Variants in TRPC1 observed in about 807,000 individuals in gnomAD.
TRPC1 encodes the protein transient receptor potential cation channel subfamily C member 1.
TRPC1 carries 42 observed loss-of-function variants against 88.2 expected under a neutral mutation model. The ratio of observed to expected loss-of-function variants is 0.48; its 90% confidence interval spans 0.37 to 0.62. The LOEUF (loss-of-function observed/expected upper bound fraction) is 0.62. Ranked by LOEUF, TRPC1 falls within the 20% of genes least tolerant of loss-of-function variation. The probability of loss-of-function intolerance (pLI) is 0.00; values close to 1 mark genes in which losing one functional copy is unlikely to be tolerated. For synonymous variants in TRPC1, 288 were observed against 331.8 expected, an observed-to-expected ratio of 0.87 and a Z score of 1.43; for missense variants, 699 against 957.3, an observed-to-expected ratio of 0.73 and a Z score of 3.56.
intron 2 of TRPC1, among the ~76,000 whole-genome samples, chr3:142,742,356 G>A (rs938504269): frequency 6.6e-6 from 1 of 152,084 alleles, no homozygotes; most frequent in African/African-American, 2.4e-5. Context: ...AAGAGATAGT[G>A]CAATGGGTTA....
At chr3:142,739,106 G>A (rs1226210184) in intron 2 of TRPC1, among the ~76,000 whole-genome samples, 4 of 151,962 alleles carry the variant, frequency 2.6e-5, no homozygotes, top group African/African-American at 7.3e-5. Flanking sequence ...CAAGTAGCTG[G>A]GATTATTATA....
Position 142,777,652 on chromosome 3 carries a change from G to A in TRPC1, c.653G>A (p.Arg218Gln), listed in dbSNP as rs977445864. The change falls in exon 5 of 13, where the codon CGA (arginine) becomes CAA (glutamine). Residue 218 changes from arginine to glutamine, a missense_variant. By Grantham distance (43) the Arg-to-Gln change is conservative. This residue lies in a region of TRPC1 where 426 missense variants were observed against 641.3 expected (regional missense o/e 0.66). Transcript: ENST00000476941. ...RHSRFRLDIY[R>Q]CLASPALIML... ...CACAGGTTTCGTCTTGATATATATC[G>A]ATGTTTGGCCAGTCCAGCTCTAATA... The A allele has an allele frequency of 6.2e-7, 1 of 1,602,460 alleles. No homozygotes were observed. The highest frequency in any genetic ancestry group is 8.5e-7 in the Non-Finnish European group (1 of 1,173,302).
intron 3 of TRPC1, among the ~76,000 whole-genome samples, chr3:142,748,030 A>G (rs776243306): frequency 2.6e-5 from 4 of 152,134 alleles, no homozygotes; most frequent in Admixed American, 1.3e-4. Flanking sequence ...AGTTAAATGA[A>G]TGTTACCTAT....
intron 4 of TRPC1, among the ~76,000 whole-genome samples, chr3:142,751,742 C>T (rs1320723185): frequency 6.6e-6 from 1 of 152,128 alleles, no homozygotes; most frequent in East Asian, 1.9e-4. Context: ...AAACCATCCA[C>T]CCTCACTCTT....
At chr3:142,797,302 T>G (rs1181676461) in intron 9 of TRPC1, among the ~76,000 whole-genome samples, 10 of 151,904 alleles carry the variant, frequency 6.6e-5, no homozygotes, top group Non-Finnish European at 2.9e-5. Flanking sequence ...TTCCCAGAGG[T>G]TGAAATGTTT....
At chr3:142,757,474 A>G (rs1201491853) in intron 4 of TRPC1, among the ~76,000 whole-genome samples, 1 of 152,168 alleles carries the variant, frequency 6.6e-6, no homozygotes, top group Non-Finnish European at 1.5e-5. Flanking sequence ...CTAGGCATGT[A>G]GACATGAATT....
intron 8 of TRPC1, 73 bp downstream of exon 8, chr3:142,791,231 T>C: frequency 7.3e-7 from 1 of 1,363,426 alleles, no homozygotes; most frequent in South Asian, 1.5e-5. Context: ...TTTAGCTATG[T>C]AACTCAGAGT....
chr3:142,802,089 C>T, intron 9 of TRPC1, 80 bp from the exon 10 acceptor site: 1 of 1,003,428 alleles, frequency 1.0e-6, no homozygotes. Flanking sequence ...TGTCTTCTTC[C>T]TTTTGTTGCT....
intron 1 of TRPC1, among the ~76,000 whole-genome samples, chr3:142,735,425 A>G (rs1008336139): frequency 6.6e-6 from 1 of 152,152 alleles, no homozygotes; most frequent in African/African-American, 2.4e-5. Context: ...TTTGCACATC[A>G]CGTAAAATGA....
intron 4 of TRPC1, among the ~76,000 whole-genome samples, chr3:142,772,495 C>A (rs1935611256): frequency 6.6e-6 from 1 of 152,116 alleles, no homozygotes; most frequent in Non-Finnish European, 1.5e-5. Flanking sequence ...CACAAAGTAG[C>A]TTAAAAAACA....
intron 4 of TRPC1, among the ~76,000 whole-genome samples, chr3:142,761,125 G>A (rs1176944632): frequency 6.6e-6 from 1 of 151,980 alleles, no homozygotes; most frequent in Non-Finnish European, 1.5e-5. Flanking sequence ...CCAATATTAT[G>A]TTGAATAATA....
rs2108174450 is a variant in TRPC1 at position 142,807,690 on chromosome 3, T to C, written c.*1455T>C. The C allele has an allele frequency of 6.6e-6, 1 of 152,354 alleles. No homozygotes were observed. Among genetic ancestry groups the C allele is most frequent in the East Asian group, 1.9e-4 (1 of 5,186 alleles). The allele number at this position is 152,354 out of a possible 1,614,324, so 9.4% of individuals were successfully genotyped here. On this transcript the variant is annotated 3_prime_UTR_variant, in exon 13 of 13. Transcript: ENST00000476941. The stretch of plus-strand genomic sequence containing the variant: ...AATGTTTATTGTAAAGTTATATATT[T>C]TGTCTACGATGGGATTATGCACTTC...
chr3:142,752,059 G>A (rs1161062002), intron 4 of TRPC1, among the ~76,000 whole-genome samples: 6 of 152,152 alleles, frequency 3.9e-5, no homozygotes, highest in Non-Finnish European at 8.8e-5. Flanking sequence ...GGGGTGGCCT[G>A]CCCCTCCACA....
At position 142,724,518 on chromosome 3, in the gene TRPC1, G is replaced by C; in HGVS notation, c.-42G>C. On this transcript the variant is annotated 5_prime_UTR_variant, in exon 1 of 13. Transcript: ENST00000476941. The surrounding 1 kb of genome is among the most constrained non-coding windows in gnomAD (Gnocchi z 5.6). ...GGGGTCGGGGTCGGGGCCGGTGGGG[G>C]CCCCGCCCCCGTCTCCTGGCCTGCC... is the stretch of plus-strand genomic sequence containing the variant. 6.8e-7 allele frequency: 1 copy of C among 1,477,310 alleles called. No individual in the cohort carries two copies. Among genetic ancestry groups the C allele is most frequent in the Non-Finnish European group, 8.9e-7 (1 of 1,120,888 alleles). The allele number at this position is 1,477,310 out of a possible 1,614,324, so 91.5% of individuals were successfully genotyped here.
At chr3:142,756,586 C>G (rs1160307019) in intron 4 of TRPC1, among the ~76,000 whole-genome samples, 3 of 152,054 alleles carry the variant, frequency 2.0e-5, no homozygotes, top group Non-Finnish European at 4.4e-5. Context: ...GTCTCGATCT[C>G]CTGACCTCGT....
At chr3:142,743,873 A>G (rs1373376692) in intron 3 of TRPC1, among the ~76,000 whole-genome samples, 1 of 152,136 alleles carries the variant, frequency 6.6e-6, no homozygotes, top group African/African-American at 2.4e-5. Context: ...TAGTTTGCAG[A>G]TAGATAAGAA....
intron 4 of TRPC1, among the ~76,000 whole-genome samples, chr3:142,765,928 C>G (rs532504266): frequency 1.3e-5 from 2 of 151,936 alleles, no homozygotes; most frequent in East Asian, 3.9e-4. Context: ...ATACATGTGG[C>G]CAACAAGCAT....
At chr3:142,755,764 T>G (rs927648651) in intron 4 of TRPC1, among the ~76,000 whole-genome samples, 2 of 152,188 alleles carry the variant, frequency 1.3e-5, no homozygotes, top group Non-Finnish European at 2.9e-5. Context: ...ATCACCTTAC[T>G]CCATAGGGCC....
rs979479444 is a variant in TRPC1, at chr3:142,776,851, C to T, written c.633-781C>T. Reference sequence around the variant, plus strand: ...CAGGGAGTCGGAGGTTGCGGTGAGCCGAGATCGTGCCATTGCACTCCGGTC... The same window carrying T: ...CAGGGAGTCGGAGGTTGCGGTGAGCTGAGATCGTGCCATTGCACTCCGGTC... On this transcript the variant is annotated intron_variant, in intron 4 of 12. Transcript: ENST00000476941. The surrounding 1 kb of genome is among the most constrained non-coding windows in gnomAD (Gnocchi z 4.1). 6.6e-6 allele frequency among the ~76,000 whole-genome samples: 1 copy of T among 150,508 alleles called. No individual in the cohort carries two copies. Among genetic ancestry groups the T allele is most frequent in the Non-Finnish European group, 1.5e-5 (1 of 67,812 alleles).
Sources: allele counts gnomAD v4.1 joint callset (sites outside exome capture counted in the v4.1 genomes callset), GRCh38; gene constraint gnomAD v4.1.1; regional missense constraint gnomAD v4.1.1; non-coding constraint Gnocchi (gnomAD v3.1); transcripts MANE v1.5; gene names NCBI Gene and HGNC (gene_info 2026-07-23, HGNC 2026-07-21).